Variants in RASSF6 observed in about 807,000 individuals in gnomAD.
RASSF6 encodes the protein ras association domain-containing protein 6.
RASSF6 carries 52 observed loss-of-function variants against 44.0 expected under a neutral mutation model. The observed-to-expected ratio is 1.18, with a 90% CI of 0.95 to 1.49. The LOEUF is 1.49. Among genes scored for constraint, RASSF6 ranks in the 40% most tolerant of loss-of-function variants. RASSF6 has a pLI of 0.00. For synonymous variants in RASSF6, 162 were observed against 124.6 expected, an observed-to-expected ratio of 1.30 and a Z score of -2.00; for missense variants, 464 against 393.3, an observed-to-expected ratio of 1.18 and a Z score of -1.52.
intron 1 of RASSF6, chr4:73,615,829 G>T: frequency 1.5e-6 from 2 of 1,354,776 alleles, no homozygotes; most frequent in South Asian, 1.3e-5. Flanking sequence ...AGCAATGCTG[G>T]AACGTGGTTC....
intron 2 of RASSF6, 142 bp from the exon 3 acceptor site, chr4:73,598,860 G>A (rs888037052): frequency 8.5e-6 from 4 of 468,924 alleles, no homozygotes; most frequent in Non-Finnish European, 1.5e-5. Context: ...CTTAACATAA[G>A]TCATTGGAAG....
At chr4:73,619,731 C>T (rs1034255785) in intron 1 of RASSF6, among the ~76,000 whole-genome samples, 1 of 152,056 alleles carries the variant, frequency 6.6e-6, no homozygotes, top group Admixed American at 6.6e-5. Flanking sequence ...TCATGCACTC[C>T]CATTTAATTA....
chr4:73,596,053 C>T (rs1247650), intron 3 of RASSF6, among the ~76,000 whole-genome samples: 149,351 of 152,280 alleles, frequency 0.98, 73,303 homozygotes, highest in Middle Eastern at 1. Context: ...AGTGAAGAGA[C>T]GTGTGGAGAA....
At chr4:73,589,645 T>C (rs1025526136) in intron 4 of RASSF6, among the ~76,000 whole-genome samples, 4 of 152,088 alleles carry the variant, frequency 2.6e-5, no homozygotes, top group African/African-American at 9.7e-5. Flanking sequence ...ATTGTGTAAT[T>C]TGAAGCATCA....
At chr4:73,616,046 G>A (rs771411235) in intron 1 of RASSF6, 36 of 943,544 alleles carry the variant, frequency 3.8e-5, no homozygotes, top group African/African-American at 9.8e-5. Flanking sequence ...GGGTTCACTC[G>A]TTTGTAAATT....
intron 2 of RASSF6, among the ~76,000 whole-genome samples, chr4:73,611,406 G>A (rs1378521763): frequency 1.3e-5 from 2 of 152,104 alleles, no homozygotes; most frequent in Non-Finnish European, 2.9e-5. Flanking sequence ...TTTTGGCCCT[G>A]GGGTTAATTC....
At chr4:73,607,201 A>C (rs1560458958) in intron 2 of RASSF6, among the ~76,000 whole-genome samples, 1 of 152,136 alleles carries the variant, frequency 6.6e-6, no homozygotes, top group Non-Finnish European at 1.5e-5. Context: ...AACATCTTTA[A>C]ATGTCTTAAA....
chr4:73,619,673 C>T (rs1047254219), intron 1 of RASSF6, among the ~76,000 whole-genome samples: 1 of 152,088 alleles, frequency 6.6e-6, no homozygotes, highest in Admixed American at 6.5e-5. Context: ...GTGGCAAAGC[C>T]GAGCTTTGAA....
intron 4 of RASSF6, among the ~76,000 whole-genome samples, chr4:73,590,382 A>G (rs1286709114): frequency 6.6e-6 from 1 of 152,216 alleles, no homozygotes; most frequent in Non-Finnish European, 1.5e-5. Context: ...CCCACTGCAG[A>G]TATAAAATCT....
chr4:73,603,042 T>A (rs1297646775), intron 2 of RASSF6, among the ~76,000 whole-genome samples: 2 of 151,940 alleles, frequency 1.3e-5, no homozygotes. Flanking sequence ...GAGCCCAGAT[T>A]GCGCCACTGC....
At chr4:73,577,386 A>G (rs896719518) in intron 8 of RASSF6, among the ~76,000 whole-genome samples, 1 of 152,236 alleles carries the variant, frequency 6.6e-6, no homozygotes, top group African/African-American at 2.4e-5. Context: ...GCTTTCTGTC[A>G]AAGTAGTTTC....
At chr4:73,591,028 A>C (rs1026685751) in intron 4 of RASSF6, among the ~76,000 whole-genome samples, 1 of 152,212 alleles carries the variant, frequency 6.6e-6, no homozygotes, top group Non-Finnish European at 1.5e-5. Flanking sequence ...CTCATCCAAA[A>C]ATTCAGAATT....
intron 8 of RASSF6, among the ~76,000 whole-genome samples, chr4:73,579,045 C>T (rs981547594): frequency 6.6e-6 from 1 of 152,136 alleles, no homozygotes; most frequent in African/African-American, 2.4e-5. Context: ...TAAATGGGAG[C>T]TTGTAACTGT....
At chr4:73,591,428 G>T (rs948983628) in intron 4 of RASSF6, among the ~76,000 whole-genome samples, 1 of 152,150 alleles carries the variant, frequency 6.6e-6, no homozygotes, top group Admixed American at 6.6e-5. Context: ...AAATTAAAAT[G>T]CATCAAATAG....
intron 1 of RASSF6, among the ~76,000 whole-genome samples, chr4:73,617,804 C>T (rs1726455366): frequency 6.6e-6 from 1 of 152,196 alleles, no homozygotes. Context: ...GAATAACTCT[C>T]TAACTGTAAT....
In RASSF6 at chr4:73,582,312, A is replaced by G. The variant is rs375488290; in HGVS notation, c.568-22T>C. 9.4e-6 allele frequency: 12 copies of G among 1,270,530 alleles called. 1 individual carries two copies. The highest frequency in any genetic ancestry group is 3.0e-5 in the African/African-American group (2 of 66,640). 78.7% of individuals were successfully genotyped at this position (1,270,530 alleles called of 1,614,324 possible). A position where few individuals can be genotyped will look rare whatever the true frequency, so the allele number is the denominator to read the frequency against. On this transcript the variant is annotated intron_variant, in intron 6 of 10. Transcript: ENST00000307439. ...ATGTCTAGAAAAAGAATTGTCACAT[A>G]AGTCTTTAAAATTATATTATATTAA... is the stretch of plus-strand genomic sequence containing the variant.
chr4:73,581,725 C>G, intron 8 of RASSF6, 92 bp downstream of exon 8: 1 of 770,450 alleles, frequency 1.3e-6, no homozygotes, highest in Admixed American at 2.2e-5. Flanking sequence ...CCTTTCTCCA[C>G]AGAATGAGGC....
chr4:73,604,592 G>A (rs1189921654), intron 2 of RASSF6: 4 of 152,184 alleles, frequency 2.6e-5, no homozygotes, highest in Admixed American at 2.6e-4. Flanking sequence ...GAAAAACTGA[G>A]GAAGAAAAGG....
At chr4:73,590,926 A>C (rs1236013260) in intron 4 of RASSF6, among the ~76,000 whole-genome samples, 2 of 152,222 alleles carry the variant, frequency 1.3e-5, no homozygotes, top group African/African-American at 4.8e-5. Flanking sequence ...ATGTAAATGG[A>C]TCCTATAGCA....
Sources: allele counts gnomAD v4.1 joint callset (sites outside exome capture counted in the v4.1 genomes callset), GRCh38; gene constraint gnomAD v4.1.1; transcripts MANE v1.5; gene names NCBI Gene and HGNC (gene_info 2026-07-23, HGNC 2026-07-21).